The following SLFN5 variants were observed in gnomAD, a reference collection of about 807,000 sequenced individuals.
The protein encoded by SLFN5 is schlafen family member 5.
A neutral mutation model predicts 48.5 loss-of-function variants in SLFN5; 34 were observed. The observed-to-expected ratio is 0.70, with a 90% CI of 0.53 to 0.93. SLFN5 has a LOEUF of 0.93. Ranked by LOEUF, SLFN5 falls within the 40% of genes least tolerant of loss-of-function variation. SLFN5 has a pLI of 0.00. For synonymous variants in SLFN5, 387 were observed against 396.2 expected (o/e 0.98, Z 0.28); for missense variants, 1,006 against 1,071.3 (o/e 0.94, Z 0.85).
Position 35,264,373 on chromosome 17 carries a change from A to G in SLFN5, c.1329A>G (p.Leu443=), listed in dbSNP as rs1296210864. ...EKQGVICDAL[L]ISQNNTPILY... is the part of the protein sequence containing the mutation. ...AGGGAGTCATCTGTGATGCTCTTCT[A>G]ATTTCCCAGAACAACACCCCTATTC... Residue 443 remains leucine, a synonymous_variant, in exon 4 of 5, where the codon CTA becomes CTG. Coordinates refer to ENST00000299977, the MANE Select transcript of SLFN5 (RefSeq NM_144975.4). 2.5e-6 allele frequency: 4 copies of G among 1,614,152 alleles called. No individual in the cohort carries two copies. The East Asian group carries it at 8.9e-5, about 36-fold the overall frequency.
Position 35,265,374 on chromosome 17 carries a change from A to G in SLFN5, c.2162A>G (p.Tyr721Cys). 1 of 1,614,212 alleles carries G rather than the reference A, an allele frequency of 6.2e-7. No individual in the cohort carries two copies. The highest frequency in any genetic ancestry group is 8.5e-7 in the Non-Finnish European group (1 of 1,180,044). ...CGCAATGCAGGTCCAATAGCTAATT[A>G]CCTACAACAAGTAATGCAGGAAGCC... The part of the protein sequence containing the change: ...VVRNAGPIAN[Y>C]LQQVMQEARQ... Residue 721 changes from tyrosine to cysteine, a missense_variant, in exon 5 of 5, where the codon TAC becomes TGC. Transcript: ENST00000299977.
chr17:35,272,160 A>G lies in SLFN5; in HGVS notation c.*6272A>G, dbSNP rs939477225. The G allele has an allele frequency of 6.6e-5, 10 of 152,218 alleles. No homozygotes were observed. The highest frequency in any genetic ancestry group is 1.0e-4 in the Non-Finnish European group (7 of 68,038). The allele number at this position is 152,218 out of a possible 1,614,324, so 9.4% of individuals were successfully genotyped here. On this transcript the variant is annotated 3_prime_UTR_variant, in exon 5 of 5. Coordinates refer to ENST00000299977, the MANE Select transcript of SLFN5 (RefSeq NM_144975.4). Reference sequence around the variant, plus strand: ...TTATAAAGCTACAATAATTAAAACAATGTGGTGCTGATATGTGGAGGGTCA... The same window carrying G: ...TTATAAAGCTACAATAATTAAAACAGTGTGGTGCTGATATGTGGAGGGTCA...
chr17:35,249,133 T>C (rs1208843593), intron 1 of SLFN5, among the ~76,000 whole-genome samples: 1 of 152,186 alleles, frequency 6.6e-6, no homozygotes, highest in East Asian at 1.9e-4. Flanking sequence ...AAAGCAGCCC[T>C]TTCATCTCAT....
chr17:35,245,087 A>G (rs2092427706), intron 1 of SLFN5, among the ~76,000 whole-genome samples: 1 of 152,182 alleles, frequency 6.6e-6, no homozygotes, highest in Non-Finnish European at 1.5e-5. Context: ...GCCTGAAACC[A>G]TGGGTAGCAC....
At chr17:35,257,704 T>C (rs1205953759) in intron 1 of SLFN5, among the ~76,000 whole-genome samples, 3 of 151,732 alleles carry the variant, frequency 2.0e-5, no homozygotes, top group African/African-American at 7.3e-5. Flanking sequence ...CTAGGATGTA[T>C]ATATATGATT....
At position 35,259,259 on chromosome 17, in the gene SLFN5, C is replaced by T; in HGVS notation, c.569C>T (p.Pro190Leu). The T allele has an allele frequency of 1.2e-6, 2 of 1,614,174 alleles. No homozygotes were observed. Among genetic ancestry groups the T allele is most frequent in the Non-Finnish European group, 1.7e-6 (2 of 1,180,048 alleles). ...RLQYLEKLNLPESTHVEFVMF... is the reference protein window; with the variant it reads ...RLQYLEKLNLLESTHVEFVMF... ...CAGTATCTGGAAAAACTCAACCTTC[C>T]TGAGTCCACACATGTTGAATTTGTA... Residue 190 changes from proline (P) to leucine (L), a missense_variant, in exon 2 of 5, where the codon CCT (proline) becomes CTT (leucine). Transcript: ENST00000299977.
chr17:35,247,421 T>C (rs563837159), intron 1 of SLFN5, among the ~76,000 whole-genome samples: 1 of 152,302 alleles, frequency 6.6e-6, no homozygotes, highest in East Asian at 1.9e-4. Flanking sequence ...ATGTCTTTAG[T>C]TTCCTTGCAG....
rs1046710581 is a variant in SLFN5 at position 35,270,520 on chromosome 17, C to T, written c.*4632C>T. 5.9e-5 allele frequency: 9 copies of T among 152,336 alleles called. 1 individual carries two copies. The highest frequency in any genetic ancestry group is 2.0e-4 in the Admixed American group (3 of 15,296). The allele number at this position is 152,336 out of a possible 1,614,324, so 9.4% of individuals were successfully genotyped here. A position where few individuals can be genotyped will look rare whatever the true frequency, so the allele number is the denominator to read the frequency against. ...TGGCACCACCACAGGCCAGGACAAC[C>T]GTTGTCACAAAGCCAGGACAGAATC... On this transcript the variant is annotated 3_prime_UTR_variant, in exon 5 of 5. Transcript: ENST00000299977.
At chr17:35,248,930 C>T (rs1197466671) in intron 1 of SLFN5, among the ~76,000 whole-genome samples, 1 of 151,964 alleles carries the variant, frequency 6.6e-6, no homozygotes, top group Non-Finnish European at 1.5e-5. Context: ...CCACAGTATC[C>T]CTCTTTCCAT....
rs780611826 is a variant in SLFN5 at position 35,265,648 on chromosome 17, G to T, written c.2436G>T (p.Arg812Ser). Residue 812 changes from arginine (R) to serine (S), a missense_variant, in exon 5 of 5, where the codon AGG becomes AGT. Physicochemically the swap from Arg to Ser is moderately radical, Grantham distance 110 (BLOSUM62 -1). Transcript: ENST00000299977. The part of the protein sequence containing the change: ...KYKDRLLTAM[R>S]KRKLSQLHEE... ...AAGACAGGCTTCTAACAGCAATGAG[G>T]AAGAGAAAACTGTCTCAGCTCCATG... is the stretch of plus-strand genomic sequence containing the variant. 6.2e-7 allele frequency: 1 copy of T among 1,614,250 alleles called. No homozygotes were observed. The highest frequency in any genetic ancestry group is 1.7e-5 in the Admixed American group (1 of 60,034).
chr17:35,249,703 T>C (rs1214627930), intron 1 of SLFN5, among the ~76,000 whole-genome samples: 3 of 152,230 alleles, frequency 2.0e-5, no homozygotes, highest in Non-Finnish European at 4.4e-5. Context: ...ATGAGTTTAA[T>C]AGAGACTTAA....
chr17:35,268,592 C>T lies in SLFN5; in HGVS notation c.*2704C>T, dbSNP rs1904759212. On this transcript the variant is annotated 3_prime_UTR_variant, in exon 5 of 5. Coordinates refer to ENST00000299977, the MANE Select transcript of SLFN5 (RefSeq NM_144975.4). The stretch of plus-strand genomic sequence containing the variant: ...ATTAGCTGGGTGTGGTGGTGCATGC[C>T]TGTAATACCAGCTACTCAGAAGGCT... 1 of 152,244 alleles carries T rather than the reference C, an allele frequency of 6.6e-6. No individual in the cohort carries two copies. The highest frequency in any genetic ancestry group is 1.5e-5 in the Non-Finnish European group (1 of 68,116). The allele number at this position is 152,244 out of a possible 1,614,324, so 9.4% of individuals were successfully genotyped here.
At chr17:35,246,673 G>A (rs112503128) in intron 1 of SLFN5, among the ~76,000 whole-genome samples, 1,972 of 152,064 alleles carry the variant, frequency 0.013, 44 homozygotes, top group African/African-American at 0.045. Flanking sequence ...TGGTCAACAT[G>A]GTGAAATGCC....
chr17:35,243,567 AC>A (rs2092423931), intron 1 of SLFN5, among the ~76,000 whole-genome samples: 1 of 152,214 alleles, frequency 6.6e-6, no homozygotes, highest in African/African-American at 2.4e-5. Context: ...CCAGTCTATT[AC>A]AAGAGGCTTT....
At chr17:35,251,673 G>T (rs577908643) in intron 1 of SLFN5, among the ~76,000 whole-genome samples, 1 of 147,982 alleles carries the variant, frequency 6.8e-6, no homozygotes, top group Non-Finnish European at 1.5e-5. Flanking sequence ...CAAAGTGCTG[G>T]GATTACAGGC....
At position 35,272,366 on chromosome 17, in the gene SLFN5, G is replaced by T. The variant is rs1453290395; in HGVS notation, c.*6478G>T. 3 of 151,954 alleles carry T rather than the reference G, an allele frequency of 2.0e-5. No homozygotes were observed. Among genetic ancestry groups the T allele is most frequent in the African/African-American group, 7.3e-5 (3 of 41,352 alleles). The allele number at this position is 151,954 out of a possible 1,614,324, so 9.4% of individuals were successfully genotyped here. A position where few individuals can be genotyped will look rare whatever the true frequency, so the allele number is the denominator to read the frequency against. On this transcript the variant is annotated 3_prime_UTR_variant, in exon 5 of 5. Coordinates refer to ENST00000299977, the MANE Select transcript of SLFN5 (RefSeq NM_144975.4). Reference sequence around the variant, plus strand: ...CCCAGCTAAAAAAAATTAAGCTTGGGCCATATGCCAGACTAGATACCAAAA... The same window carrying T: ...CCCAGCTAAAAAAAATTAAGCTTGGTCCATATGCCAGACTAGATACCAAAA...
In SLFN5 at chr17:35,272,676, G is replaced by A. The variant is rs181657000; in HGVS notation, c.*6788G>A. The A allele has an allele frequency of 2.7e-4, 41 of 152,240 alleles. No individual in the cohort carries two copies. Among genetic ancestry groups the A allele is most frequent in the African/African-American group, 7.5e-4 (31 of 41,534 alleles). 9.4% of individuals were successfully genotyped at this position (152,240 alleles called of 1,614,324 possible). On this transcript the variant is annotated 3_prime_UTR_variant, in exon 5 of 5. Coordinates refer to ENST00000299977, the MANE Select transcript of SLFN5 (RefSeq NM_144975.4). ...TTTCAAAAAATAGCTTCTACAAATC[G>A]AAGAGAAAAATTCTAAGGTCTCAAA...
chr17:35,260,103 C>T (rs955581734), intron 2 of SLFN5, among the ~76,000 whole-genome samples: 1 of 152,204 alleles, frequency 6.6e-6, no homozygotes, highest in Non-Finnish European at 1.5e-5. Context: ...TTTACTGCCA[C>T]TTTCCTCTGA....
At chr17:35,244,552 T>C (rs2092426486) in intron 1 of SLFN5, among the ~76,000 whole-genome samples, 1 of 152,152 alleles carries the variant, frequency 6.6e-6, no homozygotes, top group Non-Finnish European at 1.5e-5. Context: ...GTCTGTCTCA[T>C]GGGAGGTGAG....
Sources: allele counts gnomAD v4.1 joint callset (sites outside exome capture counted in the v4.1 genomes callset), GRCh38; gene constraint gnomAD v4.1.1; transcripts MANE v1.5; gene names NCBI Gene and HGNC (gene_info 2026-07-23, HGNC 2026-07-21).